Variants in PRKCI observed in about 807,000 individuals in gnomAD.
PRKCI encodes protein kinase C iota type.
PRKCI carries 43 observed loss-of-function variants against 84.0 expected under a neutral mutation model. That is an observed-to-expected ratio of 0.51 (90% CI 0.40 to 0.66). The LOEUF (loss-of-function observed/expected upper bound fraction) is 0.66. PRKCI is among the 30% of genes least tolerant of loss of function. The pLI, the probability that PRKCI is intolerant of heterozygous loss-of-function variation, is 0.00. For missense variants in PRKCI, 459 were observed against 745.6 expected (o/e 0.62, Z 4.48); for synonymous variants, 216 against 234.4 (o/e 0.92, Z 0.72).
chr3:170,271,282 T>G (rs959668542), intron 6 of PRKCI, among the ~76,000 whole-genome samples: 1 of 152,142 alleles, frequency 6.6e-6, no homozygotes, highest in African/African-American at 2.4e-5. Context: ...TCAACTCATG[T>G]CTAATCTTGG....
chr3:170,270,449 G>A lies in PRKCI; in HGVS notation c.479G>A (p.Arg160Gln), dbSNP rs1293622637. 4 of 1,613,330 alleles carry A rather than the reference G, an allele frequency of 2.5e-6. No individual in the cohort carries two copies. The highest frequency in any genetic ancestry group is 1.3e-5 in the African/African-American group (1 of 74,850). The change falls in exon 6 of 18, where the codon CGA becomes CAA. Residue 160 changes from arginine to glutamine, a missense_variant. Coordinates refer to ENST00000295797, the MANE Select transcript of PRKCI (RefSeq NM_002740.6). ...GCTCACTGTGCCATCTGCACAGACC[G>A]AATATGGGGACTTGGACGCCAAGGA... The part of the protein sequence containing the change: ...RRAHCAICTD[R>Q]IWGLGRQGYK...
chr3:170,228,911 C>T (rs1732711160), intron 1 of PRKCI, among the ~76,000 whole-genome samples: 1 of 152,000 alleles, frequency 6.6e-6, no homozygotes, highest in Admixed American at 6.6e-5. Flanking sequence ...GTCTACTATT[C>T]CCTCTTTATG....
chr3:170,285,237 G>T (rs1426963111), intron 12 of PRKCI, among the ~76,000 whole-genome samples: 1 of 151,806 alleles, frequency 6.6e-6, no homozygotes, highest in Non-Finnish European at 1.5e-5. Context: ...CTGCCACCAC[G>T]CCCAGCTAAG....
chr3:170,301,442 T>C (rs1385362447), intron 17 of PRKCI, among the ~76,000 whole-genome samples: 1 of 152,178 alleles, frequency 6.6e-6, no homozygotes, highest in Non-Finnish European at 1.5e-5. Flanking sequence ...GCCAAGCAGC[T>C]CAAATATATG....
At chr3:170,247,369 T>TAA (rs375718835) in intron 2 of PRKCI, among the ~76,000 whole-genome samples, 1 of 151,908 alleles carries the variant, frequency 6.6e-6, no homozygotes, top group East Asian at 1.9e-4. Flanking sequence ...AACCACTGTT[T>TAA]AATCCAGTGT....
intron 1 of PRKCI, among the ~76,000 whole-genome samples, chr3:170,227,345 GA>G (rs1373818151): frequency 1.3e-5 from 2 of 152,242 alleles, no homozygotes; most frequent in Non-Finnish European, 2.9e-5. Context: ...AGAGAATGTA[GA>G]GGTAGGTAAG....
chr3:170,234,818 T>A (rs1732903467), intron 1 of PRKCI, among the ~76,000 whole-genome samples: 2 of 152,224 alleles, frequency 1.3e-5, no homozygotes, highest in Admixed American at 1.3e-4. Flanking sequence ...TTTTATTTAT[T>A]TTTTTGACAC....
chr3:170,275,233 T>G lies in PRKCI; in HGVS notation c.651T>G (p.Ile217Met), dbSNP rs1435957709. 3 of 1,563,916 alleles carry G rather than the reference T, an allele frequency of 1.9e-6. No homozygotes were observed. Among genetic ancestry groups the G allele is most frequent in the Non-Finnish European group, 2.6e-6 (3 of 1,161,456 alleles). The change falls in exon 8 of 18, where the codon ATT (isoleucine) becomes ATG (methionine). Residue 217 changes from isoleucine to methionine, a missense_variant. This residue lies in a region of PRKCI where 250 missense variants were observed against 319.7 expected (regional missense o/e 0.78). Coordinates refer to ENST00000295797, the MANE Select transcript of PRKCI (RefSeq NM_002740.6). ...TGTTTGGTATTGGGTTTTTAGTAAT[T>G]CCATATAATCCTTCAAGTCATGAGA... is the stretch of plus-strand genomic sequence containing the variant. ...SMHSDHAQTV[I>M]PYNPSSHESL...
chr3:170,223,245 T>G (rs536025818), intron 1 of PRKCI, among the ~76,000 whole-genome samples: 5 of 152,206 alleles, frequency 3.3e-5, no homozygotes, highest in Non-Finnish European at 7.3e-5. Context: ...CTCTGAGATA[T>G]ACCTCCATCC....
chr3:170,252,424 A>G (rs1309207577), intron 2 of PRKCI, among the ~76,000 whole-genome samples: 2 of 152,196 alleles, frequency 1.3e-5, no homozygotes, highest in Admixed American at 1.3e-4. Context: ...CATACAGTGC[A>G]TAATCATGTT....
intron 1 of PRKCI, among the ~76,000 whole-genome samples, chr3:170,230,492 G>A (rs879850053): frequency 2.9e-3 from 416 of 142,498 alleles, no homozygotes; most frequent in South Asian, 7.3e-3. Context: ...CACCATGTCC[G>A]GCTAATTTTT....
At chr3:170,260,213 G>C (rs1490217926) in intron 3 of PRKCI, among the ~76,000 whole-genome samples, 155 bp downstream of exon 3, 1 of 152,092 alleles carries the variant, frequency 6.6e-6, no homozygotes, top group Non-Finnish European at 1.5e-5. Flanking sequence ...TTTCTCACGT[G>C]CTACAGAAGG....
intron 2 of PRKCI, among the ~76,000 whole-genome samples, chr3:170,259,701 G>A (rs1309649880): frequency 6.6e-6 from 1 of 151,798 alleles, no homozygotes; most frequent in Non-Finnish European, 1.5e-5. Context: ...AGCTACTCGG[G>A]AAGCTGAGGC....
At chr3:170,281,310 G>A in intron 10 of PRKCI, 47 bp downstream of exon 10, 1 of 1,504,212 alleles carries the variant, frequency 6.6e-7, no homozygotes, top group Non-Finnish European at 9.2e-7. Flanking sequence ...CATATTTTTG[G>A]TCATATTACA....
rs1733972193 is a variant in PRKCI at position 170,270,484 on chromosome 3, A to G, written c.514A>G (p.Ile172Val). The G allele has an allele frequency of 1.2e-6, 2 of 1,613,846 alleles. No homozygotes were observed. Among genetic ancestry groups the G allele is most frequent in the South Asian group, 2.2e-5 (2 of 91,082 alleles). The change falls in exon 6 of 18, where the codon ATC (isoleucine) becomes GTC (valine). Residue 172 changes from isoleucine to valine, a missense_variant. Around this residue, in one of 2 missense-constraint regions of PRKCI, gnomAD observed 250 missense variants for 319.7 expected, o/e 0.78. Coordinates refer to ENST00000295797, the MANE Select transcript of PRKCI (RefSeq NM_002740.6). ...ACTTGGACGCCAAGGATATAAGTGC[A>G]TCAACTGCAAACTCTTGGTTCATAA... The part of the protein sequence containing the change: ...WGLGRQGYKC[I>V]NCKLLVHKKC...
At chr3:170,244,845 TC>T (rs1044768613) in intron 2 of PRKCI, 7 of 152,296 alleles carry the variant, frequency 4.6e-5, no homozygotes, top group Admixed American at 3.3e-4. Context: ...ATTTCTTTGT[TC>T]CTTCCACTCC....
intron 6 of PRKCI, among the ~76,000 whole-genome samples, chr3:170,271,632 C>G (rs981607208): frequency 3.3e-5 from 5 of 151,988 alleles, no homozygotes; most frequent in African/African-American, 9.7e-5. Flanking sequence ...GTCATTTACA[C>G]TGTTGTAAAA....
intron 4 of PRKCI, 70 bp downstream of exon 4, chr3:170,263,499 G>T: frequency 7.2e-7 from 1 of 1,387,054 alleles, no homozygotes; most frequent in South Asian, 1.2e-5. Context: ...AAAGAAATCA[G>T]AGATAGAATT....
chr3:170,247,239 A>G (rs1733308913), intron 2 of PRKCI, among the ~76,000 whole-genome samples: 1 of 151,548 alleles, frequency 6.6e-6, no homozygotes, highest in South Asian at 2.1e-4. Context: ...TTTTTTAAAT[A>G]GAGATGGGAT....
Sources: gnomAD v4.1 joint callset for allele counts (sites outside exome capture counted in the v4.1 genomes callset) on GRCh38, gnomAD v4.1.1 for gene constraint, gnomAD v4.1.1 regional missense constraint, MANE v1.5 for transcripts, NCBI Gene and HGNC (gene_info 2026-07-23, HGNC 2026-07-21) for gene names.